Variants in HSD17B12 observed in about 807,000 individuals in gnomAD.
HSD17B12 encodes hydroxysteroid 17-beta dehydrogenase 12, also known as very-long-chain 3-oxoacyl-CoA reductase.
HSD17B12 carries 32 observed loss-of-function variants against 39.3 expected under a neutral mutation model. That is an observed-to-expected ratio of 0.81 (90% CI 0.61 to 1.09). The LOEUF (loss-of-function observed/expected upper bound fraction) is 1.09, where lower values mean the gene tolerates loss of function less well. Among genes scored for constraint, HSD17B12 ranks in the 50% least tolerant of loss-of-function variants. The pLI, the probability that HSD17B12 is intolerant of heterozygous loss-of-function variation, is 0.00. For synonymous variants in HSD17B12, 150 were observed against 146.7 expected (o/e 1.02, Z -0.16); for missense variants, 342 against 382.9 (o/e 0.89, Z 0.89).
At chr11:43,775,711 A>T (rs1403931289) in intron 3 of HSD17B12, among the ~76,000 whole-genome samples, 1 of 150,740 alleles carries the variant, frequency 6.6e-6, no homozygotes, top group South Asian at 2.1e-4. Flanking sequence ...GCACCCACTA[A>T]CTCGTCATCT....
chr11:43,846,775 A>C (rs1210647173), intron 9 of HSD17B12, among the ~76,000 whole-genome samples: 2 of 152,224 alleles, frequency 1.3e-5, no homozygotes, highest in African/African-American at 4.8e-5. Flanking sequence ...CTAGGAAACA[A>C]AGGTAAATAA....
chr11:43,662,199 C>CT, the HSD17B12 span, among the ~76,000 whole-genome samples: 3,364 of 124,728 alleles, frequency 0.027, 68 homozygotes, highest in South Asian at 0.13. Context: ...GCCCACGTCT[C>CT]TTTTTTTTTT....
chr11:43,619,472 A>G, the HSD17B12 span, among the ~76,000 whole-genome samples: 2 of 148,768 alleles, frequency 1.3e-5, no homozygotes, highest in Admixed American at 1.4e-4. Flanking sequence ...TCACTGAAAC[A>G]TCCACCTCCC....
At chr11:43,787,529 G>A (rs1950826595) in intron 3 of HSD17B12, among the ~76,000 whole-genome samples, 1 of 151,922 alleles carries the variant, frequency 6.6e-6, no homozygotes, top group African/African-American at 2.4e-5. Flanking sequence ...CTGAGGTCAG[G>A]AGATCAAGAC....
intron 6 of HSD17B12, among the ~76,000 whole-genome samples, chr11:43,817,018 ATATCTATATCTATATCTATATC>A (rs771371288): frequency 0.3 from 16,443 of 54,752 alleles, 1,267 homozygotes; most frequent in Middle Eastern, 0.41. Context: ...ATCTATATCT[ATATCTATATCTATATCTATATC>A]TATATATATA....
At chr11:43,659,684 G>A in the HSD17B12 span, among the ~76,000 whole-genome samples, 3 of 152,080 alleles carry the variant, frequency 2.0e-5, no homozygotes, top group African/African-American at 7.2e-5. Context: ...CTACACAAAA[G>A]GAAGAAAATA....
At chr11:43,577,364 A>C in the HSD17B12 span, among the ~76,000 whole-genome samples, 1 of 152,286 alleles carries the variant, frequency 6.6e-6, no homozygotes, top group Non-Finnish European at 1.5e-5. Flanking sequence ...AAGGAAAGGA[A>C]AAAAGATTTA....
chr11:43,831,293 T>C lies in HSD17B12; in HGVS notation c.536+283T>C, dbSNP rs1264228180. The stretch of plus-strand genomic sequence containing the variant: ...AGTCACCATCACTAACTCAATTGCC[T>C]ACTATTCTGAGGGGGCGGATAGAGT... On this transcript the variant is annotated intron_variant, in intron 7 of 10. Transcript: ENST00000278353. This position sits in a 1 kb window ranked among gnomAD's most constrained non-coding sequence, Gnocchi z 4.1. 6.1e-5 allele frequency: 14 copies of C among 230,404 alleles called. No homozygotes were observed. The highest frequency in any genetic ancestry group is 1.2e-4 in the Non-Finnish European group (14 of 119,038). The allele number at this position is 230,404 out of a possible 1,614,324, so 14.3% of individuals were successfully genotyped here. A position where few individuals can be genotyped will look rare whatever the true frequency, so the allele number is the denominator to read the frequency against.
At chr11:43,827,200 C>T (rs931681684) in intron 6 of HSD17B12, among the ~76,000 whole-genome samples, 7 of 152,188 alleles carry the variant, frequency 4.6e-5, no homozygotes, top group Middle Eastern at 3.4e-3. Flanking sequence ...ATACTTTATT[C>T]TCTCCATGTG....
At chr11:43,709,070 G>A (rs534266291) in intron 1 of HSD17B12, among the ~76,000 whole-genome samples, 6 of 152,278 alleles carry the variant, frequency 3.9e-5, no homozygotes, top group South Asian at 2.1e-4. Flanking sequence ...TTCAAGCTGC[G>A]TAGCTGTTTT....
intron 1 of HSD17B12, chr11:43,718,835 C>A: frequency 1.1e-6 from 1 of 871,560 alleles, no homozygotes; most frequent in Non-Finnish European, 1.9e-6. Context: ...GACACCACGA[C>A]TCCGGAAGCA....
chr11:43,784,175 C>T (rs1033118273), intron 3 of HSD17B12, among the ~76,000 whole-genome samples: 1 of 151,988 alleles, frequency 6.6e-6, no homozygotes, highest in Non-Finnish European at 1.5e-5. Flanking sequence ...CATGATAGAT[C>T]GAGTAAGCAT....
intron 6 of HSD17B12, among the ~76,000 whole-genome samples, chr11:43,827,405 A>G (rs983283274): frequency 1.3e-5 from 2 of 152,206 alleles, no homozygotes; most frequent in Non-Finnish European, 2.9e-5. Context: ...TACTAAATTA[A>G]TGAGTGGGAA....
chr11:43,741,336 C>T (rs112282557), intron 1 of HSD17B12, among the ~76,000 whole-genome samples: 1,642 of 152,106 alleles, frequency 0.011, 22 homozygotes, highest in African/African-American at 0.038. Flanking sequence ...TTTAAGAAAA[C>T]TTAAGTGACC....
chr11:43,598,601 G>A, the HSD17B12 span, among the ~76,000 whole-genome samples: 1 of 152,014 alleles, frequency 6.6e-6, no homozygotes, highest in Non-Finnish European at 1.5e-5. Context: ...CTCTGTGCCT[G>A]TCACTTTTCC....
At chr11:43,692,908 A>G (rs986095447) in intron 1 of HSD17B12, among the ~76,000 whole-genome samples, 1 of 152,170 alleles carries the variant, frequency 6.6e-6, no homozygotes, top group Non-Finnish European at 1.5e-5. Flanking sequence ...TATATAGTTT[A>G]TTTGCTTCAT....
In HSD17B12 at chr11:43,854,702, G is replaced by T. The variant is rs770727176; in HGVS notation, c.685-13G>T. The T allele has an allele frequency of 3.7e-6, 6 of 1,612,516 alleles. No individual in the cohort carries two copies. The East Asian group carries it at 1.3e-4, about 36-fold the overall frequency. ...CAATGGCATGTTTTCTGGGGTGGGT[G>T]TTCCCTTTCTAGAGTGTCCTGCCAT... On this transcript the variant is annotated splice_polypyrimidine_tract_variant and intron_variant, in intron 9 of 10. Transcript: ENST00000278353.
intron 6 of HSD17B12, among the ~76,000 whole-genome samples, chr11:43,825,557 A>G (rs1205345701): frequency 6.6e-6 from 1 of 152,232 alleles, no homozygotes; most frequent in Non-Finnish European, 1.5e-5. Context: ...CAACATTAGG[A>G]ATATGATAAA....
intron 3 of HSD17B12, among the ~76,000 whole-genome samples, chr11:43,767,782 G>A (rs780950258): frequency 5.0e-4 from 76 of 152,212 alleles, no homozygotes; most frequent in Admixed American, 1.6e-3. Context: ...ACTAAGAATA[G>A]AAAAAATGAT....
Sources: allele counts gnomAD v4.1 joint callset (sites outside exome capture counted in the v4.1 genomes callset), GRCh38; gene constraint gnomAD v4.1.1; non-coding constraint Gnocchi (gnomAD v3.1); transcripts MANE v1.5; gene names NCBI Gene and HGNC (gene_info 2026-07-23, HGNC 2026-07-21).